The following CENPP variants were observed in gnomAD, a reference collection of about 807,000 sequenced individuals.
The protein encoded by CENPP is centromere protein P.
A neutral mutation model predicts 35.6 loss-of-function variants in CENPP; 24 were observed. The ratio of observed to expected loss-of-function variants is 0.67; its 90% CI spans 0.49 to 0.95. CENPP has a LOEUF of 0.95. Among genes scored for constraint, CENPP ranks in the 40% least tolerant of loss-of-function variants. The pLI, the probability that CENPP is intolerant of heterozygous loss-of-function variation, is 0.00. For missense variants in CENPP, 332 were observed against 345.3 expected, an observed-to-expected ratio of 0.96 and a Z score of 0.31; for synonymous variants, 120 against 125.5, an observed-to-expected ratio of 0.96 and a Z score of 0.29.
At position 92,424,770 on chromosome 9, in the gene CENPP, G is replaced by A. The variant is rs569253129; in HGVS notation, c.564+44911G>A. On this transcript the variant is annotated intron_variant, in intron 5 of 7. Coordinates refer to ENST00000375587, the MANE Select transcript of CENPP (RefSeq NM_001012267.3). ...GCTCACCACAACCTCCACCTCCCGGGTTCAAGCAATTCTCCTGTCTCAGCC... is the reference window on the plus strand; with the variant it reads ...GCTCACCACAACCTCCACCTCCCGGATTCAAGCAATTCTCCTGTCTCAGCC... Among the ~76,000 whole-genome samples the A allele has an allele frequency of 2.4e-4, 37 of 152,234 alleles. 1 individual carries two copies. Among genetic ancestry groups the A allele is most frequent in the Non-Finnish European group, 1.2e-4 (8 of 68,012 alleles).
intron 5 of CENPP, among the ~76,000 whole-genome samples, chr9:92,561,720 C>T (rs1202227199): frequency 6.6e-6 from 1 of 152,174 alleles, no homozygotes; most frequent in Admixed American, 6.5e-5. Context: ...TTTTGGTATG[C>T]TTACTGGCAG....
intron 5 of CENPP, chr9:92,459,604 T>C (rs2131041281): frequency 6.2e-7 from 1 of 1,606,428 alleles, no homozygotes; most frequent in East Asian, 2.2e-5. Flanking sequence ...AATACCAATA[T>C]CTACTGAACA....
chr9:92,487,332 C>G (rs1181249284), intron 5 of CENPP, among the ~76,000 whole-genome samples: 1 of 151,996 alleles, frequency 6.6e-6, no homozygotes, highest in East Asian at 1.9e-4. Flanking sequence ...TTTCTTGTAC[C>G]AAGAAGTGTG....
intron 5 of CENPP, among the ~76,000 whole-genome samples, chr9:92,595,196 C>T (rs1253484834): frequency 6.6e-6 from 1 of 152,070 alleles, no homozygotes; most frequent in Non-Finnish European, 1.5e-5. Flanking sequence ...CCATGCCCAG[C>T]CATGTTGCTG....
At chr9:92,571,067 G>C (rs2131354351) in intron 5 of CENPP, among the ~76,000 whole-genome samples, 1 of 152,088 alleles carries the variant, frequency 6.6e-6, no homozygotes, top group South Asian at 2.1e-4. Context: ...GGTTTTTTGT[G>C]TCTCTATCTC....
At chr9:92,612,638 C>G (rs1851296273) in intron 7 of CENPP, 24 bp downstream of exon 7, 2 of 1,572,982 alleles carry the variant, frequency 1.3e-6, no homozygotes, top group African/African-American at 1.3e-5. Context: ...TGTGGCTGCT[C>G]TAGGTGACTT....
At chr9:92,591,560 A>G (rs139246256) in intron 5 of CENPP, among the ~76,000 whole-genome samples, 1 of 151,854 alleles carries the variant, frequency 6.6e-6, no homozygotes, top group East Asian at 1.9e-4. Context: ...ATACCACAGT[A>G]TTAACAAAGG....
intron 4 of CENPP, among the ~76,000 whole-genome samples, chr9:92,365,735 A>C (rs1236115162): frequency 6.6e-6 from 1 of 151,644 alleles, no homozygotes; most frequent in Non-Finnish European, 1.5e-5. Flanking sequence ...TCCTCATGTA[A>C]ATTATAAATT....
rs746772392 is a variant in CENPP at position 92,514,769 on chromosome 9, G to C, written c.565-96545G>C. On this transcript the variant is annotated intron_variant, in intron 5 of 7. Transcript: ENST00000375587. ...AGTGTGCCTCTGGGAGGAGCAGGAA[G>C]CGGGGATCGAGAGGGCATTCGGAAC... 2 of 1,614,126 alleles carry C rather than the reference G, an allele frequency of 1.2e-6. No individual in the cohort carries two copies. The highest frequency in any genetic ancestry group is 3.3e-5 in the Admixed American group (2 of 60,022).
At chr9:92,586,666 A>C (rs1026698126) in intron 5 of CENPP, among the ~76,000 whole-genome samples, 10 of 152,272 alleles carry the variant, frequency 6.6e-5, no homozygotes, top group African/African-American at 2.2e-4. Context: ...CTCAGAGCCA[A>C]AGTGGAAAGA....
intron 4 of CENPP, among the ~76,000 whole-genome samples, chr9:92,359,277 G>A (rs552229449): frequency 1.1e-3 from 167 of 152,078 alleles, no homozygotes; most frequent in African/African-American, 3.8e-3. Context: ...TATCCCTTGT[G>A]TTTTGTTGTT....
At chr9:92,500,914 C>A in intron 5 of CENPP, 1 of 1,614,184 alleles carries the variant, frequency 6.2e-7, no homozygotes, top group Non-Finnish European at 8.5e-7. Flanking sequence ...TATTCCAGGC[C>A]TGGTTCCATG....
At position 92,481,787 on chromosome 9, in the gene CENPP, C is replaced by G. The variant is rs553615770; in HGVS notation, c.564+101928C>G. Among the ~76,000 whole-genome samples the G allele has an allele frequency of 6.6e-5, 10 of 151,824 alleles. No homozygotes were observed. In the East Asian group the frequency reaches 1.9e-3, roughly 29 times the overall value. ...TCATTATAATAAGGAAGACATTTAT[C>G]AAGGAAAAAAATGAATATTCAAATG... On this transcript the variant is annotated intron_variant, in intron 5 of 7. Coordinates refer to ENST00000375587, the MANE Select transcript of CENPP (RefSeq NM_001012267.3).
chr9:92,381,680 T>C (rs1305991656), intron 5 of CENPP, among the ~76,000 whole-genome samples: 2 of 152,260 alleles, frequency 1.3e-5, no homozygotes, highest in Non-Finnish European at 2.9e-5. Flanking sequence ...ATAATCCTGC[T>C]GTGAACATTA....
At chr9:92,571,432 G>C (rs1182966238) in intron 5 of CENPP, among the ~76,000 whole-genome samples, 1 of 152,212 alleles carries the variant, frequency 6.6e-6, no homozygotes, top group Non-Finnish European at 1.5e-5. Flanking sequence ...TGATTGCACT[G>C]TGGTCTGAGA....
intron 5 of CENPP, among the ~76,000 whole-genome samples, chr9:92,511,440 TTA>T (rs1337714803): frequency 3.5e-5 from 5 of 143,528 alleles, no homozygotes; most frequent in African/African-American, 1.1e-4. Flanking sequence ...TTTTTTTTTT[TTA>T]AATATATAAT....
In CENPP at chr9:92,337,594, A is replaced by G. The variant is rs1840970129; in HGVS notation, c.343A>G (p.Thr115Ala). 6.2e-7 allele frequency: 1 copy of G among 1,608,102 alleles called. No homozygotes were observed. The highest frequency in any genetic ancestry group is 2.2e-5 in the East Asian group (1 of 44,850). ...HRLSGNCHMV[T>A]FQLEFQILEI... ...ATTATCAGGAAATTGCCACATGGTTACATTTCAACTTGAATTTCAGATTCT... is the reference window on the plus strand; with the variant it reads ...ATTATCAGGAAATTGCCACATGGTTGCATTTCAACTTGAATTTCAGATTCT... The change falls in exon 3 of 8, where the codon ACA becomes GCA. Residue 115 changes from threonine (T) to alanine (A), a missense_variant. Coordinates refer to ENST00000375587, the MANE Select transcript of CENPP (RefSeq NM_001012267.3).
At chr9:92,493,106 G>A (rs2131125247) in intron 5 of CENPP, among the ~76,000 whole-genome samples, 1 of 152,330 alleles carries the variant, frequency 6.6e-6, no homozygotes, top group East Asian at 1.9e-4. Context: ...GCATGTTCTT[G>A]ATGGATTTTA....
At chr9:92,522,723 T>G (rs766786749) in intron 5 of CENPP, 1 of 1,614,184 alleles carries the variant, frequency 6.2e-7, no homozygotes, top group Non-Finnish European at 8.5e-7. Context: ...GTCTGTTTGA[T>G]CTGTGCTTGT....
Sources: allele counts gnomAD v4.1 joint callset (sites outside exome capture counted in the v4.1 genomes callset), GRCh38; gene constraint gnomAD v4.1.1; transcripts MANE v1.5; gene names NCBI Gene and HGNC (gene_info 2026-07-23, HGNC 2026-07-21).